The following SERPINI1 variants were observed in gnomAD, a reference collection of about 807,000 sequenced individuals.
SERPINI1 encodes the protein serpin family I member 1, also known as neuroserpin.
A neutral mutation model predicts 41.1 loss-of-function variants in SERPINI1; 19 were observed. The observed-to-expected ratio is 0.46, with a 90% CI of 0.32 to 0.68. The LOEUF is 0.68. Ranked by LOEUF, SERPINI1 falls within the 30% of genes least tolerant of loss-of-function variation. SERPINI1 has a pLI of 0.03. For synonymous variants in SERPINI1, 138 were observed against 156.6 expected (o/e 0.88, Z 0.89); for missense variants, 460 against 479.2 (o/e 0.96, Z 0.37).
intron 1 of SERPINI1, among the ~76,000 whole-genome samples, chr3:167,739,645 G>A (rs899201941): frequency 6.6e-6 from 1 of 152,088 alleles, no homozygotes; most frequent in African/African-American, 2.4e-5. Context: ...AGGCCCTGGA[G>A]TTATACCTTT....
chr3:167,789,474 G>A (rs1727425703), intron 2 of SERPINI1, 96 bp downstream of exon 2: 2 of 1,438,910 alleles, frequency 1.4e-6, no homozygotes, highest in Middle Eastern at 1.8e-4. Flanking sequence ...TATTTACACA[G>A]GGTAAAAAAC....
intron 1 of SERPINI1, among the ~76,000 whole-genome samples, chr3:167,770,171 G>A (rs1216692017): frequency 6.6e-6 from 1 of 151,140 alleles, no homozygotes; most frequent in East Asian, 1.9e-4. Flanking sequence ...ACAAATATAT[G>A]TATGTATATA....
At chr3:167,766,973 C>G (rs1183306912) in intron 1 of SERPINI1, among the ~76,000 whole-genome samples, 1 of 152,190 alleles carries the variant, frequency 6.6e-6, no homozygotes, top group African/African-American at 2.4e-5. Flanking sequence ...GAAGATCTAG[C>G]TAAGATGACT....
At chr3:167,814,654 A>T (rs1385689830) in intron 6 of SERPINI1, among the ~76,000 whole-genome samples, 1 of 152,188 alleles carries the variant, frequency 6.6e-6, no homozygotes. Flanking sequence ...AGATACTTAG[A>T]GCCTTTGGTG....
rs1288967629 is a variant in SERPINI1 at position 167,747,993 on chromosome 3, GATAAAA to G, written c.-19+12176_-19+12181del. ...GAAAAAGCCTAAGCAACTTTAAGCA[GATAAAA>G]ATAAAGGAGGCGGAAATATCAGCTT... On this transcript the variant is annotated intron_variant, in intron 1 of 8. Coordinates refer to ENST00000446050, the MANE Select transcript of SERPINI1 (RefSeq NM_001122752.2). 2.7e-5 allele frequency among the ~76,000 whole-genome samples: 4 copies of G among 150,506 alleles called. No homozygotes were observed. The East Asian group carries it at 5.8e-4, about 22-fold the overall frequency.
chr3:167,771,578 T>C (rs1560001926), intron 1 of SERPINI1, among the ~76,000 whole-genome samples: 1 of 152,236 alleles, frequency 6.6e-6, no homozygotes, highest in Non-Finnish European at 1.5e-5. Context: ...TATACCTTTT[T>C]ATAACTTTTG....
intron 5 of SERPINI1, 112 bp downstream of exon 5, chr3:167,794,936 CTCT>C: frequency 1.3e-6 from 1 of 760,858 alleles, no homozygotes; most frequent in Non-Finnish European, 2.2e-6. Flanking sequence ...TTGTGCCACT[CTCT>C]TCTTATTCTT....
chr3:167,742,757 G>A (rs1488905072), intron 1 of SERPINI1, among the ~76,000 whole-genome samples: 1 of 151,836 alleles, frequency 6.6e-6, no homozygotes, highest in African/African-American at 2.4e-5. Flanking sequence ...ATAGTCTGAT[G>A]ACTAAAACCA....
At chr3:167,748,426 G>A (rs1725932110) in intron 1 of SERPINI1, among the ~76,000 whole-genome samples, 1 of 152,182 alleles carries the variant, frequency 6.6e-6, no homozygotes, top group African/African-American at 2.4e-5. Flanking sequence ...GCATAGTGAA[G>A]ACTGAATAGC....
chr3:167,793,626 A>G (rs1003059338), intron 4 of SERPINI1, among the ~76,000 whole-genome samples: 8 of 145,604 alleles, frequency 5.5e-5, no homozygotes, highest in African/African-American at 1.6e-4. Context: ...AATGGTACAT[A>G]CCTATAGTCC....
At chr3:167,802,061 C>T (rs1727916667) in intron 5 of SERPINI1, among the ~76,000 whole-genome samples, 1 of 152,018 alleles carries the variant, frequency 6.6e-6, no homozygotes, top group Non-Finnish European at 1.5e-5. Context: ...GCTGGGGAAA[C>T]TGGCTAGCCA....
chr3:167,791,239 G>A (rs1727498170), intron 3 of SERPINI1, among the ~76,000 whole-genome samples: 1 of 151,976 alleles, frequency 6.6e-6, no homozygotes, highest in Non-Finnish European at 1.5e-5. Context: ...TGAAATCACA[G>A]TCCTAAAATT....
At chr3:167,766,342 A>AAG (rs921671223) in intron 1 of SERPINI1, among the ~76,000 whole-genome samples, 8 of 152,180 alleles carry the variant, frequency 5.3e-5, no homozygotes, top group East Asian at 1.9e-4. Flanking sequence ...GCAGCAGGCA[A>AAG]AGAGAGAGAG....
In SERPINI1 at chr3:167,741,122, C is replaced by T. The variant is rs769807025; in HGVS notation, c.-19+5299C>T. The stretch of plus-strand genomic sequence containing the variant: ...CTCAGTGTTGGTCTTCTGTGTATAG[C>T]TTGGTGGTGGAAGCTTACAGGGTAC... On this transcript the variant is annotated intron_variant, in intron 1 of 8. Transcript: ENST00000446050. Among the ~76,000 whole-genome samples the T allele has an allele frequency of 7.9e-5, 12 of 152,224 alleles. No homozygotes were observed. The South Asian group carries it at 1.0e-3, about 13-fold the overall frequency.
intron 1 of SERPINI1, among the ~76,000 whole-genome samples, chr3:167,763,019 T>A (rs1226226604): frequency 6.6e-6 from 1 of 152,148 alleles, no homozygotes; most frequent in Non-Finnish European, 1.5e-5. Context: ...TGTGTCATTT[T>A]AGGTAATCTA....
intron 1 of SERPINI1, among the ~76,000 whole-genome samples, chr3:167,746,938 G>A (rs374393062): frequency 2.0e-5 from 3 of 152,146 alleles, no homozygotes; most frequent in Admixed American, 1.3e-4. Context: ...GGTATATGCC[G>A]AAAAGAGTTG....
chr3:167,799,878 C>G (rs1315593569), intron 5 of SERPINI1, among the ~76,000 whole-genome samples: 6 of 152,000 alleles, frequency 3.9e-5, no homozygotes, highest in Admixed American at 3.3e-4. Context: ...CCTTTGCCCA[C>G]TTTTTGATGG....
intron 1 of SERPINI1, among the ~76,000 whole-genome samples, chr3:167,772,513 A>G (rs1042084753): frequency 2.6e-5 from 4 of 151,956 alleles, no homozygotes; most frequent in Non-Finnish European, 4.4e-5. Flanking sequence ...ATATAGCTGT[A>G]TAGATCTCTT....
chr3:167,805,132 A>T (rs1560014127), intron 5 of SERPINI1, among the ~76,000 whole-genome samples: 1 of 151,888 alleles, frequency 6.6e-6, no homozygotes, highest in African/African-American at 2.4e-5. Flanking sequence ...GTTTAAAAAA[A>T]CTCTTAAGTG....
Sources: gnomAD v4.1 joint callset for allele counts (sites outside exome capture counted in the v4.1 genomes callset) on GRCh38, gnomAD v4.1.1 for gene constraint, MANE v1.5 for transcripts, NCBI Gene and HGNC (gene_info 2026-07-23, HGNC 2026-07-21) for gene names.